PITPNA: variants seen among roughly 807,000 people sequenced by gnomAD.
PITPNA encodes phosphatidylinositol transfer protein alpha, also known as phosphatidylinositol transfer protein alpha isoform.
PITPNA carries 13 observed loss-of-function variants against 50.3 expected under a neutral mutation model. The observed-to-expected ratio is 0.26, with a 90% CI of 0.17 to 0.41. The LOEUF (loss-of-function observed/expected upper bound fraction) is 0.41. Ranked by LOEUF, PITPNA falls within the 10% of genes least tolerant of loss-of-function variation. The pLI is 1.00. For synonymous variants in PITPNA, 120 were observed against 119.6 expected, an observed-to-expected ratio of 1.00 and a Z score of -0.02; for missense variants, 207 against 333.4, an observed-to-expected ratio of 0.62 and a Z score of 2.95.
intron 10 of PITPNA, among the ~76,000 whole-genome samples, chr17:1,528,738 TAAA>T (rs58531367): frequency 2.1e-5 from 3 of 139,666 alleles, no homozygotes; most frequent in African/African-American, 2.6e-5. Context: ...CTGTCTCTCT[TAAA>T]AAAAAAAAAA....
chr17:1,561,700 C>T (rs73298827), intron 1 of PITPNA, among the ~76,000 whole-genome samples: 4,425 of 152,242 alleles, frequency 0.029, 242 homozygotes, highest in African/African-American at 0.1. Context: ...TTGGGCACCA[C>T]GGTTACTCCG....
At chr17:1,534,993 C>T (rs554291915) in intron 9 of PITPNA, among the ~76,000 whole-genome samples, 189 bp downstream of exon 9, 5 of 152,300 alleles carry the variant, frequency 3.3e-5, no homozygotes, top group Admixed American at 6.5e-5. Context: ...CACACACACG[C>T]AGTCACTGGG....
Position 1,518,526 on chromosome 17 carries a change from G to GCA in PITPNA, c.*2033_*2034dup, listed in dbSNP as rs2075487084. 6.5e-6 allele frequency: 1 copy of GCA among 152,694 alleles called. No individual in the cohort carries two copies. 9.5% of individuals were successfully genotyped at this position (152,694 alleles called of 1,614,324 possible). The stretch of plus-strand genomic sequence containing the variant: ...ATCCTCCTTTATGTTTATGTGGGCT[G>GCA]CAATTCCAGATCCAGGCTGACCTCA... On this transcript the variant is annotated 3_prime_UTR_variant, in exon 12 of 12. Transcript: ENST00000313486.
chr17:1,525,725 C>T (rs879588099), intron 10 of PITPNA, among the ~76,000 whole-genome samples: 3 of 152,038 alleles, frequency 2.0e-5, no homozygotes, highest in Non-Finnish European at 2.9e-5. Context: ...TCCATGTTGG[C>T]CAGGCTGGTC....
chr17:1,560,032 T>C (rs2075760004), intron 1 of PITPNA, among the ~76,000 whole-genome samples: 1 of 152,100 alleles, frequency 6.6e-6, no homozygotes, highest in South Asian at 2.1e-4. Flanking sequence ...CAAAATCACA[T>C]CCAAGATTTT....
intron 3 of PITPNA, among the ~76,000 whole-genome samples, chr17:1,550,500 G>A (rs1272588562): frequency 6.6e-6 from 1 of 152,142 alleles, no homozygotes; most frequent in African/African-American, 2.4e-5. Flanking sequence ...GGAATTCAAG[G>A]AGACACCTGA....
At position 1,518,123 on chromosome 17, in the gene PITPNA, A is replaced by G. The variant is rs1193164155; in HGVS notation, c.*2438T>C. 6.6e-6 allele frequency: 1 copy of G among 152,636 alleles called. No individual in the cohort carries two copies. The highest frequency in any genetic ancestry group is 2.4e-5 in the African/African-American group (1 of 41,470). The allele number at this position is 152,636 out of a possible 1,614,324, so 9.5% of individuals were successfully genotyped here. ...TCTACAAAGTGTAGTTTGTAAAACA[A>G]GTAGCACTAGGAACCAACCAAAGTA... On this transcript the variant is annotated 3_prime_UTR_variant, in exon 12 of 12. Coordinates refer to ENST00000313486, the MANE Select transcript of PITPNA (RefSeq NM_006224.4).
chr17:1,536,398 CTGCCT>C (rs1363593686), intron 7 of PITPNA, among the ~76,000 whole-genome samples: 5 of 151,306 alleles, frequency 3.3e-5, no homozygotes, highest in African/African-American at 1.2e-4. Flanking sequence ...CGCCATTCTC[CTGCCT>C]CAGCCTCCCC....
At chr17:1,558,780 GCC>G (rs1231466696) in intron 1 of PITPNA, among the ~76,000 whole-genome samples, 27 of 28,354 alleles carry the variant, frequency 9.5e-4, no homozygotes, top group Non-Finnish European at 1.5e-3. Context: ...CCCCCCCCCC[GCC>G]CCCCCCCCCA....
At chr17:1,536,367 A>C (rs1479511177) in intron 7 of PITPNA, among the ~76,000 whole-genome samples, 2 of 148,824 alleles carry the variant, frequency 1.3e-5, no homozygotes, top group African/African-American at 5.0e-5. Flanking sequence ...GGCTCACTGC[A>C]AGCTCCATCT....
chr17:1,558,802 C>T (rs2075753629), intron 1 of PITPNA, among the ~76,000 whole-genome samples: 1 of 129,050 alleles, frequency 7.7e-6, no homozygotes, highest in Non-Finnish European at 1.6e-5. Context: ...AGAGAATGGC[C>T]CTCTTAGTGC....
At chr17:1,548,517 G>C in intron 3 of PITPNA, 130 bp from the exon 4 acceptor site, 1 of 631,084 alleles carries the variant, frequency 1.6e-6, no homozygotes, top group Non-Finnish European at 2.7e-6. Context: ...TTACTGGTGG[G>C]AGTGAGAAGT....
At chr17:1,524,896 C>T (rs1486633077) in intron 10 of PITPNA, among the ~76,000 whole-genome samples, 1 of 152,082 alleles carries the variant, frequency 6.6e-6, no homozygotes, top group African/African-American at 2.4e-5. Flanking sequence ...GAGCAGAGTG[C>T]CTGACGTGGA....
intron 9 of PITPNA, among the ~76,000 whole-genome samples, chr17:1,534,440 A>C (rs930282275): frequency 1.3e-5 from 2 of 152,106 alleles, no homozygotes; most frequent in African/African-American, 4.8e-5. Flanking sequence ...AGCCCCCAAG[A>C]AAGAAGGATG....
At chr17:1,535,390 G>A (rs1352454074) in intron 8 of PITPNA, 51 bp downstream of exon 8, 34 of 1,532,326 alleles carry the variant, frequency 2.2e-5, no homozygotes, top group African/African-American at 2.7e-5. Flanking sequence ...CACAGGGAGC[G>A]GCCCACCCAC....
At chr17:1,557,367 A>G (rs1190891638) in intron 2 of PITPNA, among the ~76,000 whole-genome samples, 1 of 152,174 alleles carries the variant, frequency 6.6e-6, no homozygotes, top group Non-Finnish European at 1.5e-5. Context: ...GGTGCAGTTC[A>G]TATTGGGAAC....
intron 2 of PITPNA, among the ~76,000 whole-genome samples, chr17:1,553,366 C>A (rs2075719241): frequency 6.6e-6 from 1 of 152,082 alleles, no homozygotes; most frequent in African/African-American, 2.4e-5. Flanking sequence ...TTTAGTTCAT[C>A]CTTCTCATTT....
intron 6 of PITPNA, among the ~76,000 whole-genome samples, chr17:1,540,766 T>C (rs1221453459): frequency 1.3e-5 from 2 of 152,148 alleles, no homozygotes; most frequent in East Asian, 3.8e-4. Flanking sequence ...TTTGTATTTT[T>C]AGTAGGGACA....
intron 7 of PITPNA, chr17:1,538,611 C>G (rs1412665861): frequency 2.9e-6 from 1 of 339,580 alleles, no homozygotes; most frequent in Non-Finnish European, 5.3e-6. Flanking sequence ...GGGCAAAATA[C>G]TCTAGCTACA....
Sources: gnomAD v4.1 joint callset for allele counts (sites outside exome capture counted in the v4.1 genomes callset) on GRCh38, gnomAD v4.1.1 for gene constraint, MANE v1.5 for transcripts, NCBI Gene and HGNC (gene_info 2026-07-23, HGNC 2026-07-21) for gene names.